Variants in SMC1A observed in about 807,000 individuals in gnomAD.
The protein encoded by SMC1A is structural maintenance of chromosomes 1A.
Under a neutral mutation model 94.5 loss-of-function variants are expected in SMC1A, and 4 were observed. The observed-to-expected ratio is 0.04, with a 90% confidence interval of 0.02 to 0.10. SMC1A has a LOEUF of 0.10. Among genes scored for constraint, SMC1A ranks in the 10% least tolerant of loss-of-function variants. The pLI, the probability that SMC1A is intolerant of heterozygous loss-of-function variation, is 1.00. For synonymous variants in SMC1A, 345 were observed against 347.7 expected (o/e 0.99, Z 0.09); for missense variants, 304 against 989.0 (o/e 0.31, Z 9.29).
At chrX:53,398,768 T>C (rs782516053) in intron 16 of SMC1A, among the ~76,000 whole-genome samples, 3 of 111,756 alleles carry the variant, frequency 2.7e-5, no homozygotes, top group African/African-American at 9.8e-5. Flanking sequence ...AATTCCCACT[T>C]TCCAAGGGGC....
intron 13 of SMC1A, 138 bp downstream of exon 13, chrX:53,404,874 G>A: frequency 2.9e-6 from 2 of 700,385 alleles, no homozygotes; most frequent in Non-Finnish European, 4.4e-6. Context: ...CTGGCTGTCT[G>A]ACTCTATGCT....
intron 1 of SMC1A, among the ~76,000 whole-genome samples, chrX:53,417,354 C>G (rs1556891430): frequency 9.2e-6 from 1 of 108,123 alleles, no homozygotes; most frequent in Non-Finnish European, 1.9e-5. Flanking sequence ...GAGTTCCAGA[C>G]CAGCCTGACT....
chrX:53,404,699 G>A (rs1556889392), intron 13 of SMC1A, among the ~76,000 whole-genome samples: 2 of 111,098 alleles, frequency 1.8e-5, no homozygotes, highest in African/African-American at 6.6e-5. Context: ...TGGCCAGGCT[G>A]GTCTCCAACT....
chrX:53,387,518 T>C (rs1165679400), intron 19 of SMC1A, among the ~76,000 whole-genome samples: 5 of 112,194 alleles, frequency 4.5e-5, no homozygotes, highest in African/African-American at 9.7e-5. Flanking sequence ...AAAAACCGCA[T>C]TTAATAGCCC....
chrX:53,389,631 G>A, intron 19 of SMC1A, among the ~76,000 whole-genome samples: 1 of 110,052 alleles, frequency 9.1e-6, no homozygotes, highest in Non-Finnish European at 1.9e-5. Flanking sequence ...TCAGGAGGCT[G>A]AGGCAGGAGA....
intron 19 of SMC1A, among the ~76,000 whole-genome samples, 180 bp downstream of exon 19, chrX:53,394,598 T>C (rs1556887702): frequency 9.0e-6 from 1 of 110,801 alleles, no homozygotes; most frequent in African/African-American, 3.3e-5. Flanking sequence ...TGTTTGAATA[T>C]ATGAGGTGGA....
At chrX:53,401,479 T>C (rs782384550) in intron 15 of SMC1A, among the ~76,000 whole-genome samples, 14 of 112,107 alleles carry the variant, frequency 1.2e-4, no homozygotes, top group Non-Finnish European at 2.6e-4. Flanking sequence ...TTCTGGTCAA[T>C]ACCAGGTTTA....
intron 1 of SMC1A, among the ~76,000 whole-genome samples, chrX:53,420,537 G>GAAAAGA (rs1410334026): frequency 3.8e-5 from 4 of 105,536 alleles, no homozygotes; most frequent in African/African-American, 6.9e-5. Flanking sequence ...AAAAAAAAAA[G>GAAAAGA]AAAAGAAAAA....
At chrX:53,395,665 T>A (rs1556887923) in intron 18 of SMC1A, among the ~76,000 whole-genome samples, 2 of 112,030 alleles carry the variant, frequency 1.8e-5, no homozygotes, top group African/African-American at 6.5e-5. Flanking sequence ...TCCTCTCAGT[T>A]AACATTTCCC....
chrX:53,411,203 G>A (rs1421550016), intron 7 of SMC1A, among the ~76,000 whole-genome samples: 2 of 110,866 alleles, frequency 1.8e-5, no homozygotes, highest in Admixed American at 9.7e-5. Flanking sequence ...AATAAATGAA[G>A]AATTAAATGA....
In SMC1A at chrX:53,415,236, A is replaced by G. The variant is rs782695516; in HGVS notation, c.110-67T>C. The stretch of plus-strand genomic sequence containing the variant: ...GAAGAGGAGAGGAAAAGGAATAAAG[A>G]TATTGAGATGAACAAAAATGTCCCC... On this transcript the variant is annotated intron_variant, in intron 1 of 24. Coordinates refer to ENST00000322213, the MANE Select transcript of SMC1A (RefSeq NM_006306.4). 8.4e-6 allele frequency: 8 copies of G among 955,127 alleles called. No homozygotes were observed. The African/African-American group carries it at 1.3e-4, about 16-fold the overall frequency. The allele number at this position is 955,127 out of a possible 1,213,427, so 78.7% of individuals were successfully genotyped here.
At position 53,405,005 on chromosome X, in the gene SMC1A, G is replaced by C; in HGVS notation, c.2196+7C>G. On this transcript the variant is annotated splice_region_variant and intron_variant, in intron 13 of 24. Transcript: ENST00000322213. ...TTTGGAGAACAGGGCTGAAGGCCAG[G>C]CCCCACCTGCAGATTCAGGGCTAGA... 8.4e-7 allele frequency: 1 copy of C among 1,195,064 alleles called. No homozygotes were observed. The highest frequency in any genetic ancestry group is 1.1e-6 in the Non-Finnish European group (1 of 887,792).
intron 19 of SMC1A, among the ~76,000 whole-genome samples, chrX:53,392,894 C>T (rs1420456695): frequency 3.6e-5 from 4 of 112,152 alleles, no homozygotes; most frequent in Admixed American, 9.5e-5. Flanking sequence ...ATGCAGGACA[C>T]TTTCGTCTCA....
At chrX:53,410,517 G>A (rs1602412227) in intron 7 of SMC1A, among the ~76,000 whole-genome samples, 1 of 109,028 alleles carries the variant, frequency 9.2e-6, no homozygotes. Context: ...CACTGGAACC[G>A]GGCTGGGTGC....
rs1192506462 is a variant in SMC1A, at chrX:53,374,506, T to C, written c.*5597A>G. ...ATTAATCCATGGCTTTTCTGCATTG[T>C]AGCTCCTGCTGCCTCTTCCATTCCT... is the stretch of plus-strand genomic sequence containing the variant. On this transcript the variant is annotated 3_prime_UTR_variant, in exon 25 of 25. Coordinates refer to ENST00000322213, the MANE Select transcript of SMC1A (RefSeq NM_006306.4). 8.9e-6 allele frequency: 1 copy of C among 112,184 alleles called. No homozygotes were observed. The highest frequency in any genetic ancestry group is 3.2e-5 in the African/African-American group (1 of 30,776). 9.2% of individuals were successfully genotyped at this position (112,184 alleles called of 1,213,427 possible). A position where few individuals can be genotyped will look rare whatever the true frequency, so the allele number is the denominator to read the frequency against.
chrX:53,388,338 A>G (rs1305221549), intron 19 of SMC1A, among the ~76,000 whole-genome samples: 1 of 111,033 alleles, frequency 9.0e-6, no homozygotes, highest in Non-Finnish European at 1.9e-5. Flanking sequence ...TAAAATCTTA[A>G]TTTTATGAAA....
intron 19 of SMC1A, among the ~76,000 whole-genome samples, chrX:53,389,497 G>A (rs1014538169): frequency 2.7e-5 from 3 of 111,210 alleles, no homozygotes; most frequent in East Asian, 2.8e-4. Flanking sequence ...TCAGGAGGCC[G>A]AGGCGGGCGG....
At chrX:53,418,736 A>C (rs1286287532) in intron 1 of SMC1A, among the ~76,000 whole-genome samples, 2 of 112,120 alleles carry the variant, frequency 1.8e-5, no homozygotes, top group African/African-American at 3.2e-5. Flanking sequence ...CCTGGCCAAA[A>C]AATAGATATT....
intron 3 of SMC1A, among the ~76,000 whole-genome samples, chrX:53,414,423 G>A (rs1383480660): frequency 8.9e-6 from 1 of 112,136 alleles, no homozygotes; most frequent in African/African-American, 3.2e-5. Flanking sequence ...AAGTCAGGAA[G>A]TCTAGGATAG....
Sources: allele counts gnomAD v4.1 joint callset (sites outside exome capture counted in the v4.1 genomes callset), GRCh38; gene constraint gnomAD v4.1.1; transcripts MANE v1.5; gene names NCBI Gene and HGNC (gene_info 2026-07-23, HGNC 2026-07-21).